ZFYVE1: variants seen among roughly 807,000 people sequenced by gnomAD.
ZFYVE1 encodes the protein zinc finger FYVE domain-containing protein 1.
ZFYVE1 carries 30 observed loss-of-function variants against 74.4 expected under a neutral mutation model. That is an observed-to-expected ratio of 0.40 (90% CI 0.30 to 0.55). ZFYVE1 has a LOEUF of 0.55. Among genes scored for constraint, ZFYVE1 ranks in the 20% least tolerant of loss-of-function variants. ZFYVE1 has a pLI of 0.42. For missense variants in ZFYVE1, 703 were observed against 1,011.6 expected (o/e 0.69, Z 4.14); for synonymous variants, 335 against 385.1 (o/e 0.87, Z 1.52).
At chr14:73,019,925 G>A (rs533734765) in intron 2 of ZFYVE1, among the ~76,000 whole-genome samples, 22 of 151,338 alleles carry the variant, frequency 1.5e-4, no homozygotes, top group Non-Finnish European at 2.8e-4. Flanking sequence ...CACTCCAGCC[G>A]GGGCAACAGA....
intron 4 of ZFYVE1, chr14:72,987,025 T>C: frequency 3.2e-6 from 3 of 951,550 alleles, no homozygotes; most frequent in Non-Finnish European, 3.8e-6. Context: ...AAAGGTTGCC[T>C]GGAGACCAGA....
chr14:72,974,788 C>T lies in ZFYVE1; in HGVS notation c.1978G>A (p.Val660Ile), dbSNP rs753471508. 2.1e-5 allele frequency: 34 copies of T among 1,597,854 alleles called. No individual in the cohort carries two copies. Among genetic ancestry groups the T allele is most frequent in the Middle Eastern group, 4.0e-4 (2 of 4,996 alleles). Reference protein sequence around the residue: ...VCDNCYEARNVQLAVTEAQVD... With the variant: ...VCDNCYEARNIQLAVTEAQVD... ...CCAGGTCCCACGTTACCTAACTGGA[C>T]GTTCCTGGCTTCGTAGCAGTTGTCA... is the stretch of plus-strand genomic sequence containing the variant. Residue 660 changes from valine (V) to isoleucine (I), a missense_variant, in exon 10 of 12, where the codon GTC (valine) becomes ATC (isoleucine). Around this residue, in one of 2 missense-constraint regions of ZFYVE1, gnomAD observed 492 missense variants for 790.0 expected, o/e 0.62. Coordinates refer to ENST00000556143, the MANE Select transcript of ZFYVE1 (RefSeq NM_021260.4).
At chr14:73,011,173 A>T (rs1338430704) in intron 2 of ZFYVE1, among the ~76,000 whole-genome samples, 6 of 128,148 alleles carry the variant, frequency 4.7e-5, no homozygotes, top group Non-Finnish European at 1.1e-4. Context: ...CACTGTCTCA[A>T]AAAAAAAAAA....
At chr14:72,983,391 C>A (rs61630760) in intron 4 of ZFYVE1, among the ~76,000 whole-genome samples, 7 of 144,254 alleles carry the variant, frequency 4.9e-5, no homozygotes, top group East Asian at 4.3e-4. Flanking sequence ...ATGTTCCCCC[C>A]CTTCCTGTGT....
chr14:73,017,286 G>C (rs374861136), intron 2 of ZFYVE1, among the ~76,000 whole-genome samples: 2 of 152,122 alleles, frequency 1.3e-5, no homozygotes, highest in South Asian at 4.1e-4. Context: ...TATACCACCA[G>C]ATAACTCCTT....
intron 3 of ZFYVE1, among the ~76,000 whole-genome samples, chr14:72,993,993 G>T (rs28361538): frequency 8.0e-6 from 1 of 125,036 alleles, no homozygotes. Context: ...CCAGCCTGGC[G>T]ACAGAGAGAG....
intron 11 of ZFYVE1, among the ~76,000 whole-genome samples, chr14:72,971,832 C>T (rs1200646267): frequency 1.3e-5 from 2 of 152,116 alleles, no homozygotes; most frequent in African/African-American, 4.8e-5. Flanking sequence ...TGTTAAGAAC[C>T]CCTGGAGGAA....
chr14:72,976,496 G>A (rs1471562397), intron 8 of ZFYVE1, among the ~76,000 whole-genome samples: 1 of 152,110 alleles, frequency 6.6e-6, no homozygotes, highest in Non-Finnish European at 1.5e-5. Flanking sequence ...AGAAAAATAA[G>A]GAAATCGGCC....
intron 6 of ZFYVE1, 97 bp from the exon 7 acceptor site, chr14:72,978,331 T>C (rs1893229291): frequency 8.5e-7 from 1 of 1,173,524 alleles, no homozygotes; most frequent in Non-Finnish European, 1.2e-6. Flanking sequence ...TGTGAACTCC[T>C]GGGCTCAAGC....
In ZFYVE1 at chr14:73,024,223, T is replaced by G; in HGVS notation, c.286A>C (p.Lys96Gln). The G allele has an allele frequency of 6.2e-7, 1 of 1,614,198 alleles. No homozygotes were observed. Among genetic ancestry groups the G allele is most frequent in the Non-Finnish European group, 8.5e-7 (1 of 1,180,038 alleles). ...TGGCACTCCAGGCACAAGTTAATTT[T>G]GCAGGTCTGGCACCTCACTATTGCC... ...QRAIVRCQTC[K>Q]INLCLECQKR... Residue 96 changes from lysine (K) to glutamine (Q), a missense_variant, in exon 2 of 12, where the codon AAA becomes CAA. Physicochemically the swap from Lys to Gln is moderately conservative, Grantham distance 53. Around this residue, in one of 2 missense-constraint regions of ZFYVE1, gnomAD observed 211 missense variants for 221.7 expected, o/e 0.95. Coordinates refer to ENST00000556143, the MANE Select transcript of ZFYVE1 (RefSeq NM_021260.4).
chr14:72,974,223 A>G lies in ZFYVE1; in HGVS notation c.1988-30T>C, dbSNP rs778732772. On this transcript the variant is annotated intron_variant, in intron 10 of 11. Transcript: ENST00000556143. ...AGACAGTAATAAAGGAAATGCTGTCACCTCTAAGTCCTCTCCCAAATGGAA... is the reference window on the plus strand; with the variant it reads ...AGACAGTAATAAAGGAAATGCTGTCGCCTCTAAGTCCTCTCCCAAATGGAA... 10 of 1,598,098 alleles carry G rather than the reference A, an allele frequency of 6.3e-6. No homozygotes were observed. The African/African-American group carries it at 1.3e-4, about 21-fold the overall frequency.
At chr14:72,996,849 A>C (rs1371762168) in intron 3 of ZFYVE1, among the ~76,000 whole-genome samples, 2 of 152,190 alleles carry the variant, frequency 1.3e-5, no homozygotes, top group African/African-American at 4.8e-5. Flanking sequence ...TCAGCACATG[A>C]CATATGCACT....
chr14:72,977,622 A>T (rs1470628611), intron 8 of ZFYVE1, among the ~76,000 whole-genome samples: 1 of 152,238 alleles, frequency 6.6e-6, no homozygotes, highest in Non-Finnish European at 1.5e-5. Flanking sequence ...TTGCATCTAG[A>T]AAAACATACA....
intron 7 of ZFYVE1, 41 bp from the exon 8 acceptor site, chr14:72,978,085 C>T (rs1482099189): frequency 1.2e-6 from 2 of 1,612,934 alleles, no homozygotes. Context: ...CAGCCAGGTG[C>T]CTGGGGAGAC....
chr14:73,008,229 G>A (rs1297202890), intron 2 of ZFYVE1, among the ~76,000 whole-genome samples: 1 of 152,148 alleles, frequency 6.6e-6, no homozygotes, highest in African/African-American at 2.4e-5. Context: ...GCACGATCTC[G>A]GCTCACCGCA....
chr14:72,987,103 A>G (rs923876375), intron 4 of ZFYVE1: 3 of 288,686 alleles, frequency 1.0e-5, no homozygotes, highest in Non-Finnish European at 1.6e-5. Flanking sequence ...GGCTGGCCCC[A>G]GTCATCAAGG....
intron 11 of ZFYVE1, among the ~76,000 whole-genome samples, chr14:72,973,503 AC>A: frequency 1.3e-5 from 2 of 151,820 alleles, no homozygotes; most frequent in Non-Finnish European, 2.9e-5. Context: ...AAACAAACAA[AC>A]AAACAAACAA....
intron 4 of ZFYVE1, among the ~76,000 whole-genome samples, chr14:72,992,619 C>CCCCG (rs1029134451): frequency 9.1e-6 from 1 of 110,130 alleles, no homozygotes; most frequent in Non-Finnish European, 2.0e-5. Context: ...TCAGGTGCCC[C>CCCCG]CCCCGCCCCT....
At position 72,970,904 on chromosome 14, in the gene ZFYVE1, T is replaced by C. The variant is rs1268211293; in HGVS notation, c.2312A>G (p.Asn771Ser). 2.5e-6 allele frequency: 4 copies of C among 1,614,230 alleles called. 1 individual carries two copies. In the South Asian group the frequency reaches 3.3e-5, roughly 13 times the overall value. The change falls in exon 12 of 12, where the codon AAT becomes AGT. Residue 771 changes from asparagine (N) to serine (S), a missense_variant. By Grantham distance (46) the Asn-to-Ser change is conservative (BLOSUM62 1). This residue lies in a region of ZFYVE1 where 492 missense variants were observed against 790.0 expected (regional missense o/e 0.62). Transcript: ENST00000556143. The part of the protein sequence containing the change: ...DHPVRVCFNC[N>S]KKPGDL ...GGGTTAAAGGTCACCGGGCTTTTTA[T>C]TGCAGTTGAAGCAGACTCGGACGGG...
Sources: allele counts gnomAD v4.1 joint callset (sites outside exome capture counted in the v4.1 genomes callset), GRCh38; gene constraint gnomAD v4.1.1; regional missense constraint gnomAD v4.1.1; transcripts MANE v1.5; gene names NCBI Gene and HGNC (gene_info 2026-07-23, HGNC 2026-07-21).